The following MGAT4C variants were observed in gnomAD, a reference collection of about 807,000 sequenced individuals.
MGAT4C encodes MGAT4 family member C.
Under a neutral mutation model 40.1 loss-of-function variants are expected in MGAT4C, and 19 were observed. The observed-to-expected ratio is 0.47, with a 90% CI of 0.33 to 0.70. MGAT4C has a LOEUF of 0.70. Ranked by LOEUF, MGAT4C falls within the 30% of genes least tolerant of loss-of-function variation. The pLI is 0.02. For synonymous variants in MGAT4C, 181 were observed against 187.1 expected, an observed-to-expected ratio of 0.97 and a Z score of 0.27; for missense variants, 491 against 563.2, an observed-to-expected ratio of 0.87 and a Z score of 1.30.
At chr12:86,587,062 C>T (rs1173128557) in intron 2 of MGAT4C, among the ~76,000 whole-genome samples, 2 of 152,032 alleles carry the variant, frequency 1.3e-5, no homozygotes, top group South Asian at 2.1e-4. Flanking sequence ...CCTAGGTTTT[C>T]TTTTAGGGTT....
chr12:86,696,220 A>T (rs1319718936), intron 2 of MGAT4C, among the ~76,000 whole-genome samples: 7 of 152,118 alleles, frequency 4.6e-5, no homozygotes, highest in African/African-American at 1.7e-4. Context: ...CTCAGAAAAA[A>T]AAAAAGTATA....
At chr12:86,563,318 G>A (rs1425837615) in intron 2 of MGAT4C, among the ~76,000 whole-genome samples, 3 of 152,168 alleles carry the variant, frequency 2.0e-5, no homozygotes, top group Non-Finnish European at 4.4e-5. Context: ...TACCCTAATG[G>A]ACAGCAGAGG....
chr12:86,238,268 T>C (rs1383276760), intron 1 of MGAT4C, among the ~76,000 whole-genome samples: 1 of 152,026 alleles, frequency 6.6e-6, no homozygotes, highest in African/African-American at 2.4e-5. Flanking sequence ...ACGTGGAAGA[T>C]GCTTTGAGCT....
At chr12:86,487,989 C>A (rs1042867887) in intron 2 of MGAT4C, among the ~76,000 whole-genome samples, 2 of 152,058 alleles carry the variant, frequency 1.3e-5, no homozygotes, top group Non-Finnish European at 2.9e-5. Flanking sequence ...AGGATTGAAA[C>A]TATAAGAGCG....
At chr12:86,113,156 G>A (rs1394481941) in intron 1 of MGAT4C, among the ~76,000 whole-genome samples, 2 of 151,610 alleles carry the variant, frequency 1.3e-5, no homozygotes, top group Non-Finnish European at 1.5e-5. Flanking sequence ...TACGTGTTCA[G>A]GTCATACTAA....
At chr12:86,264,515 A>G (rs895864040) in intron 4 of MGAT4C, among the ~76,000 whole-genome samples, 1 of 152,088 alleles carries the variant, frequency 6.6e-6, no homozygotes, top group African/African-American at 2.4e-5. Context: ...CAAGGGAAGC[A>G]AGGAACAGGT....
chr12:86,308,272 G>T (rs1953989551), intron 4 of MGAT4C, among the ~76,000 whole-genome samples: 1 of 150,382 alleles, frequency 6.6e-6, no homozygotes, highest in Admixed American at 6.6e-5. Flanking sequence ...CTTTAGAAAA[G>T]AATTTCCAAA....
intron 2 of MGAT4C, among the ~76,000 whole-genome samples, chr12:86,656,574 G>A (rs1326287832): frequency 1.3e-5 from 2 of 152,024 alleles, no homozygotes; most frequent in Non-Finnish European, 2.9e-5. Context: ...AAACATGTGT[G>A]CTGGAACTTT....
At chr12:86,205,732 G>T (rs1021856529) in intron 1 of MGAT4C, among the ~76,000 whole-genome samples, 1 of 151,858 alleles carries the variant, frequency 6.6e-6, no homozygotes, top group Non-Finnish European at 1.5e-5. Context: ...GGCATATTAA[G>T]TACATTTTCT....
At chr12:86,408,168 T>G (rs1956512950) in intron 3 of MGAT4C, among the ~76,000 whole-genome samples, 1 of 151,930 alleles carries the variant, frequency 6.6e-6, no homozygotes, top group Non-Finnish European at 1.5e-5. Flanking sequence ...CTTCATAAAA[T>G]GTGTTTGAAT....
At chr12:86,031,291 C>G (rs1890733126) in intron 2 of MGAT4C, among the ~76,000 whole-genome samples, 1 of 151,630 alleles carries the variant, frequency 6.6e-6, no homozygotes, top group South Asian at 2.1e-4. Flanking sequence ...GTGGGATAAA[C>G]CAAGTGAAAC....
At chr12:86,726,981 A>G (rs1281807172) in intron 2 of MGAT4C, among the ~76,000 whole-genome samples, 5 of 152,132 alleles carry the variant, frequency 3.3e-5, no homozygotes, top group African/African-American at 1.2e-4. Flanking sequence ...CGTGAATTAT[A>G]TTTTAACCCA....
intron 4 of MGAT4C, among the ~76,000 whole-genome samples, chr12:86,281,678 G>C (rs767385967): frequency 6.6e-6 from 1 of 151,816 alleles, no homozygotes; most frequent in Non-Finnish European, 1.5e-5. Context: ...CCATTATGCC[G>C]GATGTTTTTT....
chr12:86,822,712 T>G (rs776915044), intron 1 of MGAT4C, among the ~76,000 whole-genome samples: 2 of 151,114 alleles, frequency 1.3e-5, no homozygotes, highest in Non-Finnish European at 3.0e-5. Context: ...AACAGAGTCA[T>G]GCAATAAGAG....
chr12:86,233,531 G>C lies in MGAT4C; in HGVS notation c.-57+22708C>G, dbSNP rs12311208. Among the ~76,000 whole-genome samples, 1,194 of 152,258 alleles carry C rather than the reference G, an allele frequency of 7.8e-3. 22 individuals carry two copies. The highest frequency in any genetic ancestry group is 0.028 in the African/African-American group (1,145 of 41,564). ...GTTACTAGGTTTCACAGTTGTAGCA[G>C]GTTGGACTTGATATTTTGTTGGTGA... On this transcript the variant is annotated intron_variant, in intron 1 of 4. Transcript: ENST00000611864.
Position 86,796,983 on chromosome 12 carries a change from A to C in MGAT4C, c.-262+41683T>G, listed in dbSNP as rs1952135336. On this transcript the variant is annotated intron_variant, in intron 1 of 7. Transcript: ENST00000548651. ...GGAAATGAAAAGGTTCTCTGCCTCC[A>C]GGTGGTAGGGATGGATGGCTTATCT... Among the ~76,000 whole-genome samples the C allele has an allele frequency of 2.0e-5, 3 of 151,946 alleles. No homozygotes were observed. The Admixed American group carries it at 2.0e-4, about 10-fold the overall frequency.
intron 2 of MGAT4C, among the ~76,000 whole-genome samples, chr12:86,671,994 T>C (rs1254349327): frequency 6.6e-6 from 1 of 152,130 alleles, no homozygotes; most frequent in Non-Finnish European, 1.5e-5. Context: ...ATTTTTCTAG[T>C]GAGCACATGG....
Position 86,067,342 on chromosome 12 carries a change from A to G in MGAT4C, c.-56-17619T>C, listed in dbSNP as rs533217953. Among the ~76,000 whole-genome samples the G allele has an allele frequency of 2.6e-5, 4 of 152,334 alleles. No homozygotes were observed. The South Asian group carries it at 8.3e-4, about 32-fold the overall frequency. ...ATCAGTGATAGACTGGATAAAGAAA[A>G]TGTGTCACATATACACTATGGAATA... On this transcript the variant is annotated intron_variant, in intron 1 of 4. Transcript: ENST00000611864.
chr12:86,739,133 CAAAAAAAAAAAA>C (rs59869666), intron 1 of MGAT4C, among the ~76,000 whole-genome samples: 4 of 39,786 alleles, frequency 1.0e-4, no homozygotes, highest in South Asian at 1.6e-3. Flanking sequence ...TTTCCCTGTG[CAAAAAAAAAAAA>C]AAAAAAAAAA....
Sources: allele counts gnomAD v4.1 joint callset (sites outside exome capture counted in the v4.1 genomes callset), GRCh38; gene constraint gnomAD v4.1.1; transcripts MANE v1.5; gene names NCBI Gene and HGNC (gene_info 2026-07-23, HGNC 2026-07-21).